ADCY7: variants seen among roughly 807,000 people sequenced by gnomAD.
ADCY7 encodes the protein adenylate cyclase type 7.
Under a neutral mutation model 120.6 loss-of-function variants are expected in ADCY7, and 72 were observed. The ratio of observed to expected loss-of-function variants is 0.60; its 90% CI spans 0.49 to 0.73. ADCY7 has a LOEUF of 0.73. Ranked by LOEUF, ADCY7 falls within the 30% of genes least tolerant of loss-of-function variation. ADCY7 has a pLI of 0.00. For missense variants in ADCY7, 1,227 were observed against 1,486.0 expected (o/e 0.83, Z 2.87); for synonymous variants, 661 against 628.0 (o/e 1.05, Z -0.78).
intron 1 of ADCY7, among the ~76,000 whole-genome samples, chr16:50,284,710 C>G (rs1208100029): frequency 1.3e-5 from 2 of 152,246 alleles, no homozygotes; most frequent in Admixed American, 6.5e-5. Flanking sequence ...AGTGGGCAAG[C>G]CTGGGCTGAG....
chr16:50,300,352 A>C (rs2035633067), intron 8 of ADCY7, among the ~76,000 whole-genome samples: 1 of 152,144 alleles, frequency 6.6e-6, no homozygotes, highest in African/African-American at 2.4e-5. Context: ...GATTACAGGC[A>C]TGAGCCACCA....
In ADCY7 at chr16:50,315,494, G is replaced by C; in HGVS notation, c.3232G>C (p.Gly1078Arg). ...CTDTAKFQGL[G>R]LN Reference sequence around the variant, plus strand: ...GGACACTGCCAAGTTTCAGGGGCTGGGGCTGAACTGAGGGCTCCTGCTGGA... The same window carrying C: ...GGACACTGCCAAGTTTCAGGGGCTGCGGCTGAACTGAGGGCTCCTGCTGGA... The change falls in exon 26 of 26, where the codon GGG becomes CGG. Residue 1078 changes from glycine to arginine, a missense_variant. Coordinates refer to ENST00000673801, the MANE Select transcript of ADCY7 (RefSeq NM_001114.5). 1 of 1,611,672 alleles carries C rather than the reference G, an allele frequency of 6.2e-7. No individual in the cohort carries two copies. The highest frequency in any genetic ancestry group is 8.5e-7 in the Non-Finnish European group (1 of 1,177,928).
chr16:50,301,069 G>C lies in ADCY7; in HGVS notation c.1236-13G>C. ...TGGGCCCCAAGGCTCTGCCTGACTT[G>C]GGTCTCCCGTAGCCGGGTGCACATC... On this transcript the variant is annotated splice_polypyrimidine_tract_variant and intron_variant, in intron 9 of 25. Transcript: ENST00000673801. The C allele has an allele frequency of 6.2e-7, 1 of 1,612,124 alleles. No individual in the cohort carries two copies. Among genetic ancestry groups the C allele is most frequent in the Non-Finnish European group, 8.5e-7 (1 of 1,179,110 alleles).
intron 22 of ADCY7, 141 bp from the exon 23 acceptor site, chr16:50,313,817 C>T (rs1596998739): frequency 4.5e-6 from 3 of 662,648 alleles, no homozygotes; most frequent in African/African-American, 1.8e-5. Flanking sequence ...GTCATGCGCT[C>T]AGCTGGCAGG....
At chr16:50,299,743 G>C (rs575564850) in intron 8 of ADCY7, among the ~76,000 whole-genome samples, 1 of 152,346 alleles carries the variant, frequency 6.6e-6, no homozygotes, top group South Asian at 2.1e-4. Context: ...CCTCAGGCTG[G>C]CCCCTGCCCT....
At chr16:50,298,825 G>A in intron 7 of ADCY7, 79 bp from the exon 8 acceptor site, 1 of 1,544,100 alleles carries the variant, frequency 6.5e-7, no homozygotes, top group Non-Finnish European at 8.8e-7. Context: ...GTGCACCCTG[G>A]AGGGTGGGGG....
chr16:50,270,594 C>G (rs913225217), intron 1 of ADCY7, among the ~76,000 whole-genome samples: 1 of 152,190 alleles, frequency 6.6e-6, no homozygotes, highest in African/African-American at 2.4e-5. Flanking sequence ...CTGTCGGTGT[C>G]GTGAGGCTCT....
Position 50,294,624 on chromosome 16 carries a change from C to CAG in ADCY7, c.837-16_837-15insAG. On this transcript the variant is annotated splice_polypyrimidine_tract_variant and intron_variant, in intron 6 of 25. Transcript: ENST00000673801. ...GCCTGGCTCTGACACTCCCTCCCAC[C>CAG]CTGCCCCATCCCCAGCATCCTCTAT... 6.9e-7 allele frequency: 1 copy of CAG among 1,450,796 alleles called. No individual in the cohort carries two copies. Among genetic ancestry groups the CAG allele is most frequent in the Non-Finnish European group, 9.6e-7 (1 of 1,039,096 alleles). 89.9% of individuals were successfully genotyped at this position (1,450,796 alleles called of 1,614,324 possible).
In ADCY7 at chr16:50,300,882, G is replaced by T; in HGVS notation, c.1235+9G>T. 1 of 1,554,176 alleles carries T rather than the reference G, an allele frequency of 6.4e-7. No homozygotes were observed. Among genetic ancestry groups the T allele is most frequent in the Non-Finnish European group, 8.7e-7 (1 of 1,148,478 alleles). On this transcript the variant is annotated intron_variant, in intron 9 of 25. Transcript: ENST00000673801. ...GCAGCCGGAGTACCCGGGTGAGGCT[G>T]GGCTGGGTAGCCGCAGGGACAGAGG...
At position 50,293,334 on chromosome 16, in the gene ADCY7, G is replaced by A; in HGVS notation, c.688-20G>A. ...GGTCGCTTTGCTGGTCCCTCTGCTGGTCTGCCCACCCACACCCAGGAGAAC... is the reference window on the plus strand; with the variant it reads ...GGTCGCTTTGCTGGTCCCTCTGCTGATCTGCCCACCCACACCCAGGAGAAC... On this transcript the variant is annotated intron_variant, in intron 5 of 25. Coordinates refer to ENST00000673801, the MANE Select transcript of ADCY7 (RefSeq NM_001114.5). The A allele has an allele frequency of 6.2e-7, 1 of 1,609,626 alleles. No individual in the cohort carries two copies.
In ADCY7 at chr16:50,315,664, C is replaced by T. The variant is rs985391048; in HGVS notation, c.*159C>T. 3.3e-6 allele frequency: 3 copies of T among 908,548 alleles called. No homozygotes were observed. The highest frequency in any genetic ancestry group is 3.3e-5 in the African/African-American group (2 of 60,094). 56.3% of individuals were successfully genotyped at this position (908,548 alleles called of 1,614,324 possible). A position where few individuals can be genotyped will look rare whatever the true frequency, so the allele number is the denominator to read the frequency against. On this transcript the variant is annotated 3_prime_UTR_variant, in exon 26 of 26. Transcript: ENST00000673801. ...CACTGGAGGATTTCTCAGACACATGCACCAGATTCTGGCTCGAAGCAGCCA... is the reference window on the plus strand; with the variant it reads ...CACTGGAGGATTTCTCAGACACATGTACCAGATTCTGGCTCGAAGCAGCCA...
intron 1 of ADCY7, among the ~76,000 whole-genome samples, chr16:50,248,957 C>T (rs568168952): frequency 2.0e-5 from 3 of 152,314 alleles, no homozygotes; most frequent in African/African-American, 7.2e-5. Flanking sequence ...ATCTGTGGCT[C>T]ATGGCGGTTG....
chr16:50,278,051 T>C (rs971051720), intron 1 of ADCY7, among the ~76,000 whole-genome samples: 1 of 149,742 alleles, frequency 6.7e-6, no homozygotes, highest in African/African-American at 2.4e-5. Flanking sequence ...GTGGGTTGCT[T>C]TTTTTTTTGA....
At chr16:50,261,434 G>A (rs2033054316) in intron 1 of ADCY7, among the ~76,000 whole-genome samples, 1 of 152,208 alleles carries the variant, frequency 6.6e-6, no homozygotes, top group Non-Finnish European at 1.5e-5. Context: ...GGCCAGGTGG[G>A]GGTCCCCGAG....
chr16:50,315,697 A>G lies in ADCY7; in HGVS notation c.*192A>G. On this transcript the variant is annotated 3_prime_UTR_variant, in exon 26 of 26. Coordinates refer to ENST00000673801, the MANE Select transcript of ADCY7 (RefSeq NM_001114.5). Reference sequence around the variant, plus strand: ...TCTGGCTCGAAGCAGCCACTGAGCCATAATGCGCAGGGGAGGCCAGAAGCT... The same window carrying G: ...TCTGGCTCGAAGCAGCCACTGAGCCGTAATGCGCAGGGGAGGCCAGAAGCT... The G allele has an allele frequency of 1.5e-6, 1 of 667,946 alleles. No individual in the cohort carries two copies. Among genetic ancestry groups the G allele is most frequent in the Non-Finnish European group, 2.4e-6 (1 of 408,746 alleles). The allele number at this position is 667,946 out of a possible 1,614,324, so 41.4% of individuals were successfully genotyped here.
rs1193758543 is a variant in ADCY7, at chr16:50,254,364, T to C, written c.-64+8161T>C. Among the ~76,000 whole-genome samples, 5 of 152,192 alleles carry C rather than the reference T, an allele frequency of 3.3e-5. No individual in the cohort carries two copies. In the East Asian group the frequency reaches 9.6e-4, roughly 29 times the overall value. ...TCATCTGTGAGAATGGTAGTCTATGTTACTAAAAGATAAGATGCTTAAAAA... is the reference window on the plus strand; with the variant it reads ...TCATCTGTGAGAATGGTAGTCTATGCTACTAAAAGATAAGATGCTTAAAAA... On this transcript the variant is annotated intron_variant, in intron 1 of 4. Coordinates refer to the ADCY7 transcript ENST00000564044.
At chr16:50,296,591 TG>T (rs1488773764) in intron 7 of ADCY7, among the ~76,000 whole-genome samples, 2 of 151,968 alleles carry the variant, frequency 1.3e-5, no homozygotes, top group African/African-American at 4.8e-5. Context: ...TTCCTGACCT[TG>T]TGATCCGCCT....
At chr16:50,293,862 T>C (rs1277067785) in intron 6 of ADCY7, among the ~76,000 whole-genome samples, 1 of 152,224 alleles carries the variant, frequency 6.6e-6, no homozygotes, top group Non-Finnish European at 1.5e-5. Context: ...CCCCCCGGCC[T>C]TGGTGCCCAA....
chr16:50,286,280 C>T (rs2034573116), intron 1 of ADCY7, among the ~76,000 whole-genome samples: 1 of 149,682 alleles, frequency 6.7e-6, no homozygotes. Context: ...TCAGGTAATT[C>T]TCCCACCTTA....
Sources: allele counts gnomAD v4.1 joint callset (sites outside exome capture counted in the v4.1 genomes callset), GRCh38; gene constraint gnomAD v4.1.1; transcripts MANE v1.5; gene names NCBI Gene and HGNC (gene_info 2026-07-23, HGNC 2026-07-21).